DNAJA3: variants seen among roughly 807,000 people sequenced by gnomAD.
DNAJA3 encodes DnaJ heat shock protein family (Hsp40) member A3, also known as dnaJ homolog subfamily A member 3, mitochondrial.
Under a neutral mutation model 54.9 loss-of-function variants are expected in DNAJA3, and 29 were observed. The observed-to-expected ratio is 0.53, with a 90% CI of 0.39 to 0.72. DNAJA3 has a LOEUF of 0.72. Among genes scored for constraint, DNAJA3 ranks in the 30% least tolerant of loss-of-function variants. The pLI is 0.00. For synonymous variants in DNAJA3, 302 were observed against 251.4 expected, an observed-to-expected ratio of 1.20 and a Z score of -1.90; for missense variants, 708 against 639.4, an observed-to-expected ratio of 1.11 and a Z score of -1.16.
intron 10 of DNAJA3, among the ~76,000 whole-genome samples, chr16:4,450,751 C>G (rs919326428): frequency 6.6e-5 from 10 of 152,234 alleles, no homozygotes; most frequent in African/African-American, 2.4e-4. Context: ...CTGCAGGCAG[C>G]TCTGCGTGTC....
chr16:4,436,728 G>A (rs1441331589), intron 2 of DNAJA3, among the ~76,000 whole-genome samples: 1 of 152,084 alleles, frequency 6.6e-6, no homozygotes, highest in Admixed American at 6.6e-5. Flanking sequence ...TAGAGATGGG[G>A]TTTCGCCATG....
At chr16:4,441,633 ATTT>A in intron 4 of DNAJA3, 58 bp downstream of exon 4, 1 of 1,562,028 alleles carries the variant, frequency 6.4e-7, no homozygotes. Flanking sequence ...GGTCAAACAA[ATTT>A]TTTTATCAGT....
intron 8 of DNAJA3, 109 bp from the exon 9 acceptor site, chr16:4,448,624 G>C (rs1255486054): frequency 9.1e-6 from 7 of 773,012 alleles, no homozygotes; most frequent in Non-Finnish European, 1.5e-5. Flanking sequence ...GCGTGAGCCA[G>C]TGGTAGTTCT....
rs763575812 is a variant in DNAJA3 at position 4,447,014 on chromosome 16, G to A, written c.1125G>A (p.Thr375=). 1.9e-5 allele frequency: 30 copies of A among 1,612,980 alleles called. No homozygotes were observed. In the East Asian group the frequency reaches 2.9e-4, roughly 16 times the overall value. The change falls in exon 8 of 12, where the codon ACG becomes ACA. Residue 375 remains threonine (T), a splice_region_variant and synonymous_variant. Coordinates refer to ENST00000262375, the MANE Select transcript of DNAJA3 (RefSeq NM_005147.6). ...GCCTGTACGAGACGATCAACGTGAC[G>A]GTAAGAGGGTGTGAGAACACCTTTG... ...AQGLYETINV[T]IPPGTQTDQK...
At chr16:4,447,376 T>A (rs2056915358) in intron 8 of DNAJA3, 1 of 196,272 alleles carries the variant, frequency 5.1e-6, no homozygotes, top group South Asian at 1.0e-4. Flanking sequence ...CATATCCCTT[T>A]TGCCACAGTG....
chr16:4,443,093 CG>C lies in DNAJA3; in HGVS notation c.861del (p.Cys289ValfsTer16). 6.2e-7 allele frequency: 1 copy of C among 1,614,030 alleles called. No homozygotes were observed. Among genetic ancestry groups the C allele is most frequent in the Non-Finnish European group, 8.5e-7 (1 of 1,180,008 alleles). On this transcript the variant is annotated frameshift_variant, in exon 6 of 12. Coordinates refer to ENST00000262375, the MANE Select transcript of DNAJA3 (RefSeq NM_005147.6). LOFTEE classifies it high-confidence loss of function. The stretch of plus-strand genomic sequence containing the variant: ...GGTGGCCGCGGCTCCATCATCATAT[CG>C]CCCTGTGTGGTCTGCAGGGGAGCAG... ...RCGGRGSIII[S>X]PCVVCRGAGQ...
intron 2 of DNAJA3, among the ~76,000 whole-genome samples, chr16:4,434,721 G>C (rs1567325067): frequency 6.6e-6 from 1 of 152,060 alleles, no homozygotes; most frequent in African/African-American, 2.4e-5. Context: ...AAAAAGAGGT[G>C]AGTCCAAACC....
chr16:4,447,174 T>C (rs1434457120), intron 8 of DNAJA3, 160 bp downstream of exon 8: 1 of 794,652 alleles, frequency 1.3e-6, no homozygotes, highest in East Asian at 2.7e-5. Context: ...TCCTTGAGTG[T>C]GGACCACAAG....
intron 1 of DNAJA3, among the ~76,000 whole-genome samples, chr16:4,428,342 G>A (rs985486716): frequency 1.3e-5 from 2 of 152,122 alleles, no homozygotes; most frequent in African/African-American, 4.8e-5. Flanking sequence ...CAAGATGCTG[G>A]GCTTATAGGT....
chr16:4,430,123 A>G (rs1421212764), intron 1 of DNAJA3, among the ~76,000 whole-genome samples: 2 of 152,010 alleles, frequency 1.3e-5, no homozygotes, highest in African/African-American at 2.4e-5. Flanking sequence ...GGCCTAGGCA[A>G]CATAATGAGA....
chr16:4,454,427 T>A (rs2057012126), intron 10 of DNAJA3, among the ~76,000 whole-genome samples: 1 of 152,184 alleles, frequency 6.6e-6, no homozygotes, highest in African/African-American at 2.4e-5. Flanking sequence ...CCTTTTTTTG[T>A]TTTTTCATCT....
rs780923478 is a variant in DNAJA3, at chr16:4,442,380, C to T, written c.743C>T (p.Thr248Ile). The T allele has an allele frequency of 2.5e-6, 4 of 1,609,282 alleles. No homozygotes were observed. The highest frequency in any genetic ancestry group is 3.4e-6 in the Non-Finnish European group (4 of 1,177,690). The stretch of plus-strand genomic sequence containing the variant: ...AACGGCAAGGGGAACGAGCCCGGCA[C>T]CAAGGTGCAGCATTGCCACTACTGT... ...RCNGKGNEPG[T>I]KVQHCHYCGG... The change falls in exon 5 of 12, where the codon ACC becomes ATC. Residue 248 changes from threonine to isoleucine, a missense_variant. Thr to Ile is a moderately conservative substitution (Grantham distance 89). Coordinates refer to ENST00000262375, the MANE Select transcript of DNAJA3 (RefSeq NM_005147.6).
intron 2 of DNAJA3, among the ~76,000 whole-genome samples, chr16:4,435,185 C>T (rs2056758957): frequency 6.6e-6 from 1 of 152,096 alleles, no homozygotes; most frequent in South Asian, 2.1e-4. Flanking sequence ...CAGGCGTGAG[C>T]CACCGCGCCT....
Position 4,426,057 on chromosome 16 carries a change from C to A in DNAJA3, c.176C>A (p.Ala59Glu). 6.2e-7 allele frequency: 1 copy of A among 1,602,942 alleles called. No homozygotes were observed. The highest frequency in any genetic ancestry group is 8.5e-7 in the Non-Finnish European group (1 of 1,175,302). ...TCCCTGACCTCTTGCGGCCCCCGAG[C>A]GCTGCTGACATTGAGACCTGGTGTC... ...ASSLTSCGPR[A>E]LLTLRPGVSL... The change falls in exon 1 of 12, where the codon GCG (alanine) becomes GAG (glutamate). Residue 59 changes from alanine to glutamate, a missense_variant. Physicochemically the swap from Ala to Glu is moderately radical, Grantham distance 107. Transcript: ENST00000262375.
At chr16:4,432,867 C>T (rs1234316834) in intron 1 of DNAJA3, among the ~76,000 whole-genome samples, 4 of 151,868 alleles carry the variant, frequency 2.6e-5, no homozygotes, top group African/African-American at 9.7e-5. Flanking sequence ...GCCTGCCGGG[C>T]ACGGTGGCTC....
Position 4,435,089 on chromosome 16 carries a change from G to T in DNAJA3, c.345+572G>T, listed in dbSNP as rs7204833. 3.4e-3 allele frequency among the ~76,000 whole-genome samples: 517 copies of T among 151,722 alleles called. 6 individuals are homozygous for T. The highest frequency in any genetic ancestry group is 0.012 in the African/African-American group (501 of 41,340). On this transcript the variant is annotated intron_variant, in intron 2 of 11. Coordinates refer to ENST00000262375, the MANE Select transcript of DNAJA3 (RefSeq NM_005147.6). ...TTTTTTTTGTATTTTTAGTAGAGAC[G>T]CGGTTTCACTTTGTTGGTCAGGCTG...
intron 1 of DNAJA3, among the ~76,000 whole-genome samples, chr16:4,428,198 G>A (rs1042708196): frequency 1.3e-5 from 2 of 152,044 alleles, no homozygotes; most frequent in South Asian, 2.1e-4. Context: ...TGATCCACCC[G>A]CCTCAGCCTC....
intron 6 of DNAJA3, 75 bp from the exon 7 acceptor site, chr16:4,444,589 C>T: frequency 7.5e-7 from 1 of 1,337,798 alleles, no homozygotes. Flanking sequence ...CCGCCTCGGC[C>T]TCCCAAAGTG....
rs1296608072 is a variant in DNAJA3, at chr16:4,437,451, A to G, written c.395A>G (p.Lys132Arg). The change falls in exon 3 of 12, where the codon AAG becomes AGG. Residue 132 changes from lysine (K) to arginine (R), a missense_variant. Transcript: ENST00000262375. ...PDTNKDDPKA[K>R]EKFSQLAEAY... ...ACAAATAAGGATGATCCCAAAGCCA[A>G]GGAGAAGTTCTCCCAGCTGGCAGAA... 5 of 1,614,016 alleles carry G rather than the reference A, an allele frequency of 3.1e-6. No homozygotes were observed. The African/African-American group carries it at 6.7e-5, about 22-fold the overall frequency.
Sources: gnomAD v4.1 joint callset for allele counts (sites outside exome capture counted in the v4.1 genomes callset) on GRCh38, gnomAD v4.1.1 for gene constraint, MANE v1.5 for transcripts, NCBI Gene and HGNC (gene_info 2026-07-23, HGNC 2026-07-21) for gene names.